Variants in NRP2 observed in about 807,000 individuals in gnomAD.
NRP2 encodes the protein neuropilin 2, also known as neuropilin-2.
A neutral mutation model predicts 110.4 loss-of-function variants in NRP2; 52 were observed. The ratio of observed to expected loss-of-function variants is 0.47; its 90% CI spans 0.38 to 0.59. The LOEUF (loss-of-function observed/expected upper bound fraction) is 0.59. NRP2 is among the 20% of genes least tolerant of loss of function. The pLI, the probability that NRP2 is intolerant of heterozygous loss-of-function variation, is 0.00. For synonymous variants in NRP2, 508 were observed against 468.9 expected, an observed-to-expected ratio of 1.08 and a Z score of -1.08; for missense variants, 1,049 against 1,203.0, an observed-to-expected ratio of 0.87 and a Z score of 1.89.
intron 15 of NRP2, chr2:205,779,671 T>C (rs1217803890): frequency 2.0e-5 from 3 of 152,164 alleles, no homozygotes; most frequent in African/African-American, 7.2e-5. Context: ...TATTTGAAAA[T>C]GTATTGTGTG....
rs899517184 is a variant in NRP2, at chr2:205,743,485, A to G, written c.1574A>G (p.Lys525Arg). ...VEARAFVRKF[K>R]VSYSLNGKDW... Reference sequence around the variant, plus strand: ...GCCAGAGCATTTGTGCGCAAGTTCAAAGTCTCCTACAGCCTAAACGGCAAG... The same window carrying G: ...GCCAGAGCATTTGTGCGCAAGTTCAGAGTCTCCTACAGCCTAAACGGCAAG... The change falls in exon 9 of 17, where the codon AAA becomes AGA. Residue 525 changes from lysine (K) to arginine (R), a missense_variant. Transcript: ENST00000357785. The G allele has an allele frequency of 6.2e-7, 1 of 1,614,060 alleles. No individual in the cohort carries two copies. The highest frequency in any genetic ancestry group is 1.3e-5 in the African/African-American group (1 of 74,912).
chr2:205,741,423 C>T (rs772920357), intron 8 of NRP2, among the ~76,000 whole-genome samples: 3 of 152,106 alleles, frequency 2.0e-5, no homozygotes, highest in East Asian at 3.9e-4. Flanking sequence ...CTCAATGGCA[C>T]GGTGGCAAGA....
chr2:205,769,318 T>C (rs896208076), intron 15 of NRP2, among the ~76,000 whole-genome samples: 7 of 152,218 alleles, frequency 4.6e-5, no homozygotes, highest in African/African-American at 1.7e-4. Context: ...GAGCAATCAC[T>C]GTACAGGTAA....
rs193164018 is a variant in NRP2, at chr2:205,699,431, T to C, written c.251+1710T>C. On this transcript the variant is annotated intron_variant, in intron 2 of 16. Transcript: ENST00000357785. Reference sequence around the variant, plus strand: ...CTCTACTAAGGGCCAAATTCTGTTATGCTTATGACAGCAAATCTCCCAAGG... The same window carrying C: ...CTCTACTAAGGGCCAAATTCTGTTACGCTTATGACAGCAAATCTCCCAAGG... Among the ~76,000 whole-genome samples, 9 of 152,358 alleles carry C rather than the reference T, an allele frequency of 5.9e-5. No homozygotes were observed. In the East Asian group the frequency reaches 1.7e-3, roughly 29 times the overall value.
chr2:205,791,317 C>T (rs1467631726), intron 15 of NRP2, among the ~76,000 whole-genome samples: 1 of 152,218 alleles, frequency 6.6e-6, no homozygotes, highest in African/African-American at 2.4e-5. Flanking sequence ...CATACACATT[C>T]ACTGGGGCTG....
At chr2:205,749,933 A>C in intron 11 of NRP2, 92 bp downstream of exon 11, 1 of 963,736 alleles carries the variant, frequency 1.0e-6, no homozygotes, top group Non-Finnish European at 1.7e-6. Flanking sequence ...GGTCCCCCAG[A>C]TCAGAGATCC....
intron 15 of NRP2, chr2:205,777,754 TA>T (rs1302147836): frequency 6.6e-6 from 1 of 152,236 alleles, no homozygotes; most frequent in African/African-American, 2.4e-5. Context: ...CTATAGCCGC[TA>T]AAATGTAAGG....
At chr2:205,707,351 C>T (rs1027023083) in intron 2 of NRP2, among the ~76,000 whole-genome samples, 8 of 152,356 alleles carry the variant, frequency 5.3e-5, no homozygotes, top group Non-Finnish European at 1.0e-4. Flanking sequence ...GTGGCAGCAG[C>T]CCTTTCCTGC....
chr2:205,693,908 A>C (rs2056366622), intron 1 of NRP2, among the ~76,000 whole-genome samples: 1 of 152,262 alleles, frequency 6.6e-6, no homozygotes. Context: ...TTCAGTATTT[A>C]GCAAATATTA....
chr2:205,722,525 G>T lies in NRP2; in HGVS notation c.481G>T (p.Glu161Ter). The stretch of plus-strand genomic sequence containing the variant: ...CTTCACAAGCCCCAACGGGACCATC[G>T]AATCTCCTGGGTTTCCTGAGAAGTA... Reference protein sequence around the residue: ...KNFTSPNGTIESPGFPEKYPH... With the variant: ...KNFTSPNGTI The change falls in exon 4 of 17, where the codon GAA (glutamate) becomes TAA (stop). Residue 161 changes from glutamate to a stop codon, truncating the protein, a stop_gained. Transcript: ENST00000357785. LOFTEE classifies it high-confidence loss of function. 1 of 1,614,150 alleles carries T rather than the reference G, an allele frequency of 6.2e-7. No individual in the cohort carries two copies. Among genetic ancestry groups the T allele is most frequent in the Non-Finnish European group, 8.5e-7 (1 of 1,180,038 alleles).
chr2:205,776,194 AT>A, intron 15 of NRP2: 1 of 1,507,904 alleles, frequency 6.6e-7, no homozygotes. Flanking sequence ...TAGTCTTTTG[AT>A]TAGTCTGCAT....
chr2:205,749,606 G>A, intron 10 of NRP2, 119 bp from the exon 11 acceptor site: 1 of 812,658 alleles, frequency 1.2e-6, no homozygotes, highest in South Asian at 1.4e-5. Flanking sequence ...TGACTTCAGA[G>A]TTCCGTGCAC....
chr2:205,795,800 T>C lies in NRP2; in HGVS notation c.*742T>C, dbSNP rs765451691. 6 of 152,664 alleles carry C rather than the reference T, an allele frequency of 3.9e-5. No individual in the cohort carries two copies. Among genetic ancestry groups the C allele is most frequent in the Non-Finnish European group, 5.9e-5 (4 of 68,046 alleles). 9.5% of individuals were successfully genotyped at this position (152,664 alleles called of 1,614,324 possible). On this transcript the variant is annotated 3_prime_UTR_variant, in exon 17 of 17. Transcript: ENST00000357785. ...AGGAAACTTCACACGTCAAAATCCA[T>C]AGAAGCGCCTGGACGAGGCTTAAAG...
At position 205,725,761 on chromosome 2, in the gene NRP2, G is replaced by T; in HGVS notation, c.821-152G>T. 1 of 772,832 alleles carries T rather than the reference G, an allele frequency of 1.3e-6. No homozygotes were observed. 47.9% of individuals were successfully genotyped at this position (772,832 alleles called of 1,614,324 possible). A position where few individuals can be genotyped will look rare whatever the true frequency, so the allele number is the denominator to read the frequency against. On this transcript the variant is annotated intron_variant, in intron 5 of 16. Coordinates refer to ENST00000357785, the MANE Select transcript of NRP2 (RefSeq NM_003872.3). The surrounding 1 kb of genome is among the most constrained non-coding windows in gnomAD (Gnocchi z 4.1). The stretch of plus-strand genomic sequence containing the variant: ...GGGTTGTCAAGCTCCATGACTTGAT[G>T]TAGTTGTTTTTAAAATGTGAGCATA...
At chr2:205,697,440 A>G in intron 1 of NRP2, 104 bp from the exon 2 acceptor site, 1 of 1,083,226 alleles carries the variant, frequency 9.2e-7, no homozygotes, top group Middle Eastern at 2.7e-4. Flanking sequence ...AAGGTCTGTA[A>G]AATAGTTTTA....
chr2:205,768,518 G>C (rs990146341), intron 15 of NRP2: 61 of 152,324 alleles, frequency 4.0e-4, no homozygotes, highest in African/African-American at 1.4e-3. Flanking sequence ...TAAGTGCTAA[G>C]TGCTTCACTT....
intron 15 of NRP2, among the ~76,000 whole-genome samples, chr2:205,785,308 G>C (rs1162248130): frequency 1.3e-5 from 2 of 152,102 alleles, no homozygotes; most frequent in Non-Finnish European, 2.9e-5. Flanking sequence ...GGAACTAGAG[G>C]AGGGGAGAAA....
intron 15 of NRP2, among the ~76,000 whole-genome samples, chr2:205,787,988 G>A (rs528804607): frequency 4.1e-4 from 62 of 152,252 alleles, no homozygotes; most frequent in African/African-American, 1.1e-3. Flanking sequence ...CCTTTGTGCC[G>A]TAGTGTTGCA....
At chr2:205,736,721 A>G (rs1054313887) in intron 7 of NRP2, among the ~76,000 whole-genome samples, 6 of 152,204 alleles carry the variant, frequency 3.9e-5, no homozygotes, top group African/African-American at 1.4e-4. Context: ...TCTAAGGTTT[A>G]TTGATTTGCC....
Sources: allele counts gnomAD v4.1 joint callset (sites outside exome capture counted in the v4.1 genomes callset), GRCh38; gene constraint gnomAD v4.1.1; non-coding constraint Gnocchi (gnomAD v3.1); transcripts MANE v1.5; gene names NCBI Gene and HGNC (gene_info 2026-07-23, HGNC 2026-07-21).